Variants in ABHD10 observed in about 807,000 individuals in gnomAD.
The protein encoded by ABHD10 is abhydrolase domain containing 10, depalmitoylase, also known as palmitoyl-protein thioesterase ABHD10, mitochondrial.
Under a neutral mutation model 33.1 loss-of-function variants are expected in ABHD10, and 22 were observed. The observed-to-expected ratio is 0.66, with a 90% CI of 0.47 to 0.95. The LOEUF (loss-of-function observed/expected upper bound fraction) is 0.95. ABHD10 is among the 40% of genes least tolerant of loss of function. ABHD10 has a pLI of 0.00. For synonymous variants in ABHD10, 146 were observed against 133.9 expected (o/e 1.09, Z -0.62); for missense variants, 352 against 379.9 (o/e 0.93, Z 0.61).
At position 111,992,963 on chromosome 3, in the gene ABHD10, C is replaced by T. The variant is rs1447772293; in HGVS notation, c.*1242C>T. The T allele has an allele frequency of 2.0e-5, 3 of 152,184 alleles. No homozygotes were observed. Among genetic ancestry groups the T allele is most frequent in the Non-Finnish European group, 2.9e-5 (2 of 68,024 alleles). 9.4% of individuals were successfully genotyped at this position (152,184 alleles called of 1,614,324 possible). A position where few individuals can be genotyped will look rare whatever the true frequency, so the allele number is the denominator to read the frequency against. On this transcript the variant is annotated 3_prime_UTR_variant, in exon 5 of 5. Transcript: ENST00000273359. The stretch of plus-strand genomic sequence containing the variant: ...TACAAGGTTGGCCCTTGATTGGCAT[C>T]TGGGAACTTGGAGTTCAGGGGGCTT...
At chr3:111,980,217 G>T (rs703270) in intron 1 of ABHD10, among the ~76,000 whole-genome samples, 5 of 152,242 alleles carry the variant, frequency 3.3e-5, no homozygotes, top group Non-Finnish European at 7.3e-5. Flanking sequence ...AGAGGATAGT[G>T]AGAATTTTTT....
At chr3:111,989,273 G>T (rs1313640072) in intron 4 of ABHD10, among the ~76,000 whole-genome samples, 6 of 152,158 alleles carry the variant, frequency 3.9e-5, no homozygotes, top group Admixed American at 3.9e-4. Flanking sequence ...GGACACTAGA[G>T]GGCCTCAGAC....
Position 111,979,039 on chromosome 3 carries a change from A to G in ABHD10, c.-23A>G. On this transcript the variant is annotated 5_prime_UTR_variant, in exon 1 of 5. Coordinates refer to ENST00000273359, the MANE Select transcript of ABHD10 (RefSeq NM_018394.4). ...AGCGTGTCCCTCAGTGGGACACTGCAGGGTGCGGGGACAACTACGAAGATG... is the reference window on the plus strand; with the variant it reads ...AGCGTGTCCCTCAGTGGGACACTGCGGGGTGCGGGGACAACTACGAAGATG... The G allele has an allele frequency of 6.2e-7, 1 of 1,607,470 alleles. No homozygotes were observed. Among genetic ancestry groups the G allele is most frequent in the South Asian group, 1.1e-5 (1 of 90,550 alleles).
intron 1 of ABHD10, among the ~76,000 whole-genome samples, chr3:111,981,570 T>C (rs754778666): frequency 9.2e-5 from 14 of 152,188 alleles, no homozygotes; most frequent in Non-Finnish European, 1.8e-4. Context: ...TGGACTTTGC[T>C]CAAAGAAGTT....
In ABHD10 at chr3:111,991,748, C is replaced by T. The variant is rs764653901; in HGVS notation, c.*27C>T. On this transcript the variant is annotated 3_prime_UTR_variant, in exon 5 of 5. Transcript: ENST00000273359. ...ATCACATGTTTAGTTGGTATGTAAA[C>T]TAATGTATCCAGAAGATTGGAAGAG... 2.0e-6 allele frequency: 3 copies of T among 1,538,324 alleles called. No individual in the cohort carries two copies. The highest frequency in any genetic ancestry group is 4.5e-5 in the East Asian group (2 of 44,256).
intron 4 of ABHD10, among the ~76,000 whole-genome samples, chr3:111,989,433 C>A (rs1576068543): frequency 1.3e-5 from 2 of 152,202 alleles, no homozygotes; most frequent in South Asian, 4.1e-4. Context: ...AGACATACAA[C>A]ATTTTATAAA....
rs1402994541 is a variant in ABHD10, at chr3:111,991,997, T to C, written c.*276T>C. On this transcript the variant is annotated 3_prime_UTR_variant, in exon 5 of 5. Transcript: ENST00000273359. ...GAAAAGTTTACCTTTCTTATGCTTA[T>C]GTTAGCTATGCCAGCTCTTAATTGC... 1.4e-5 allele frequency: 4 copies of C among 278,658 alleles called. No individual in the cohort carries two copies. The highest frequency in any genetic ancestry group is 8.9e-5 in the African/African-American group (4 of 44,766). 17.3% of individuals were successfully genotyped at this position (278,658 alleles called of 1,614,324 possible).
In ABHD10 at chr3:111,979,057, C is replaced by T. The variant is rs1468826824; in HGVS notation, c.-5C>T. On this transcript the variant is annotated 5_prime_UTR_variant, in exon 1 of 5. In the 5' UTR this introduces an upstream ATG that the reference lacks. Coordinates refer to ENST00000273359, the MANE Select transcript of ABHD10 (RefSeq NM_018394.4). ...ACACTGCAGGGTGCGGGGACAACTACGAAGATGGCGGTTGCGCGCTTGGCA... is the reference window on the plus strand; with the variant it reads ...ACACTGCAGGGTGCGGGGACAACTATGAAGATGGCGGTTGCGCGCTTGGCA... 8.1e-6 allele frequency: 13 copies of T among 1,612,274 alleles called. No individual in the cohort carries two copies. The highest frequency in any genetic ancestry group is 1.7e-5 in the Admixed American group (1 of 59,910).
At position 111,991,490 on chromosome 3, in the gene ABHD10, G is replaced by A; in HGVS notation, c.690G>A (p.Leu230=). 1.2e-6 allele frequency: 2 copies of A among 1,614,078 alleles called. No homozygotes were observed. Among genetic ancestry groups the A allele is most frequent in the Non-Finnish European group, 1.7e-6 (2 of 1,179,964 alleles). ...TTAAAGAAGCTGAACATCACTGCTT[G>A]TTACATAGCCCAATTCCTGTGAACT... is the stretch of plus-strand genomic sequence containing the variant. The part of the protein sequence containing the change: ...SFIKEAEHHC[L]LHSPIPVNCP... The change falls in exon 5 of 5, where the codon TTG becomes TTA. Residue 230 remains leucine (L), a synonymous_variant. Coordinates refer to ENST00000273359, the MANE Select transcript of ABHD10 (RefSeq NM_018394.4).
intron 2 of ABHD10, 87 bp downstream of exon 2, chr3:111,982,054 G>C (rs2072592263): frequency 9.5e-7 from 1 of 1,047,328 alleles, no homozygotes; most frequent in Admixed American, 3.5e-5. Context: ...TGAAGTAAAT[G>C]CCAGCATTTT....
chr3:111,986,426 C>T (rs773839690), intron 3 of ABHD10, 51 bp downstream of exon 3: 2 of 860,290 alleles, frequency 2.3e-6, no homozygotes, highest in South Asian at 3.0e-5. Flanking sequence ...CGTATTTAAG[C>T]TGTTTGTTTT....
intron 1 of ABHD10, among the ~76,000 whole-genome samples, chr3:111,979,433 C>G (rs1161585847): frequency 1.3e-5 from 2 of 152,264 alleles, no homozygotes; most frequent in Non-Finnish European, 2.9e-5. Flanking sequence ...GCGTTTTACA[C>G]TGTGCAGTTT....
chr3:111,991,734 A>T lies in ABHD10; in HGVS notation c.*13A>T. 6.3e-7 allele frequency: 1 copy of T among 1,586,974 alleles called. No individual in the cohort carries two copies. ...TATAGTTAACTAGTATCACATGTTT[A>T]GTTGGTATGTAAACTAATGTATCCA... On this transcript the variant is annotated 3_prime_UTR_variant, in exon 5 of 5. Transcript: ENST00000273359.
chr3:111,982,190 C>T (rs529943922), intron 2 of ABHD10: 7 of 359,708 alleles, frequency 1.9e-5, no homozygotes, highest in Non-Finnish European at 3.5e-5. Context: ...AAAAGGACAT[C>T]TTAAGGGAAA....
At chr3:111,990,561 G>A (rs1293244840) in intron 4 of ABHD10, 2 of 332,896 alleles carry the variant, frequency 6.0e-6, no homozygotes. Context: ...TAAAAAATAA[G>A]AGTTCTCAAA....
intron 1 of ABHD10, among the ~76,000 whole-genome samples, chr3:111,979,628 A>G (rs1445634422): frequency 6.6e-6 from 1 of 152,242 alleles, no homozygotes; most frequent in Non-Finnish European, 1.5e-5. Flanking sequence ...TGTTCTTTGT[A>G]AAAGTGTAGA....
chr3:111,991,047 T>A (rs2072733430), intron 4 of ABHD10, among the ~76,000 whole-genome samples: 1 of 152,134 alleles, frequency 6.6e-6, no homozygotes, highest in Non-Finnish European at 1.5e-5. Flanking sequence ...TTAAATAAAT[T>A]TAAATTTAAG....
chr3:111,981,942 A>C lies in ABHD10; in HGVS notation c.301A>C (p.Lys101Gln). 1 of 1,575,196 alleles carries C rather than the reference A, an allele frequency of 6.3e-7. No homozygotes were observed. The highest frequency in any genetic ancestry group is 1.2e-5 in the South Asian group (1 of 86,148). Residue 101 changes from lysine (K) to glutamine (Q), a missense_variant, in exon 2 of 5, where the codon AAA (lysine) becomes CAA (glutamine). Transcript: ENST00000273359. ...AGCGTTGGCGATTGAGGAGTTTTGCAAATCTCTAGGTCACGCCTGCATAAG... is the reference window on the plus strand; with the variant it reads ...AGCGTTGGCGATTGAGGAGTTTTGCCAATCTCTAGGTCACGCCTGCATAAG... ...TKALAIEEFC[K>Q]SLGHACIRFD...
Position 111,979,098 on chromosome 3 carries a change from G to A in ABHD10, c.37G>A (p.Val13Ile). 4 of 1,613,440 alleles carry A rather than the reference G, an allele frequency of 2.5e-6. No individual in the cohort carries two copies. The highest frequency in any genetic ancestry group is 3.4e-6 in the Non-Finnish European group (4 of 1,179,818). ...VARLAAVAAW[V>I]PCRSWGWAAV... ...GCGCTTGGCAGCTGTGGCGGCCTGG[G>A]TACCTTGTCGGAGCTGGGGCTGGGC... The change falls in exon 1 of 5, where the codon GTA (valine) becomes ATA (isoleucine). Residue 13 changes from valine to isoleucine, a missense_variant. Coordinates refer to ENST00000273359, the MANE Select transcript of ABHD10 (RefSeq NM_018394.4).
Sources: gnomAD v4.1 joint callset for allele counts (sites outside exome capture counted in the v4.1 genomes callset) on GRCh38, gnomAD v4.1.1 for gene constraint, MANE v1.5 for transcripts, NCBI Gene and HGNC (gene_info 2026-07-23, HGNC 2026-07-21) for gene names.